Variants in BAHCC1 observed in about 807,000 individuals in gnomAD.
BAHCC1 encodes BAH domain and coiled-coil containing 1, also known as BAH and coiled-coil domain-containing protein 1.
Under a neutral mutation model 88.2 loss-of-function variants are expected in BAHCC1, and 43 were observed. The ratio of observed to expected loss-of-function variants is 0.49; its 90% CI spans 0.38 to 0.63. The LOEUF (loss-of-function observed/expected upper bound fraction) is 0.63. Among genes scored for constraint, BAHCC1 ranks in the 20% least tolerant of loss-of-function variants. The probability of loss-of-function intolerance (pLI) is 0.00; values close to 1 mark genes in which losing one functional copy is unlikely to be tolerated. For synonymous variants in BAHCC1, 1,510 were observed against 745.5 expected (o/e 2.03, Z -16.71); for missense variants, 3,023 against 1,654.8 (o/e 1.83, Z -14.34).
intron 2 of BAHCC1, chr17:81,406,951 T>A (rs1555647026): frequency 2.2e-6 from 1 of 456,292 alleles, no homozygotes; most frequent in Non-Finnish European, 4.4e-6. Context: ...GTTTTTTTCA[T>A]TCTGACCTGC....
intron 13 of BAHCC1, 123 bp from the exon 14 acceptor site, chr17:81,452,600 C>G: frequency 3.6e-6 from 2 of 548,306 alleles, no homozygotes; most frequent in African/African-American, 2.0e-5. Flanking sequence ...GCTCCCCAGG[C>G]CGAGTCTGGG....
rs1020107345 is a variant in BAHCC1 at position 81,438,240 on chromosome 17, G to A, written c.359-130G>A. ...ATTGATGGGTTGATTTCCCCCCGGC[G>A]GCTGCGTGCTGGGCTCTGCGGGACA... On this transcript the variant is annotated intron_variant, in intron 3 of 27. Transcript: ENST00000675386. The A allele has an allele frequency of 3.0e-5, 20 of 659,532 alleles. 1 individual carries two copies. Among genetic ancestry groups the A allele is most frequent in the South Asian group, 2.2e-4 (13 of 59,636 alleles). The allele number at this position is 659,532 out of a possible 1,614,324, so 40.9% of individuals were successfully genotyped here.
Position 81,461,236 on chromosome 17 carries a change from G to A in BAHCC1, c.6573G>A (p.Arg2191=), listed in dbSNP as rs2030232583. 1 of 712,192 alleles carries A rather than the reference G, an allele frequency of 1.4e-6. No homozygotes were observed. The highest frequency in any genetic ancestry group is 2.6e-6 in the Non-Finnish European group (1 of 387,012). 44.1% of individuals were successfully genotyped at this position (712,192 alleles called of 1,614,324 possible). A position where few individuals can be genotyped will look rare whatever the true frequency, so the allele number is the denominator to read the frequency against. The change falls in exon 26 of 28, where the codon AGG becomes AGA. Residue 2191 remains arginine, a synonymous_variant. Coordinates refer to ENST00000675386, the MANE Select transcript of BAHCC1 (RefSeq NM_001377448.1). The part of the protein sequence containing the change: ...HKLLRAKKAE[R]VEAEKGGRRR... Reference sequence around the variant, plus strand: ...TGCTGCGGGCTAAGAAGGCCGAGAGGGTGGAGGCCGAGAAGGGTGGGCGGC... The same window carrying A: ...TGCTGCGGGCTAAGAAGGCCGAGAGAGTGGAGGCCGAGAAGGGTGGGCGGC...
In BAHCC1 at chr17:81,465,154, C is replaced by T. The variant is rs1268519958; in HGVS notation, c.*1337C>T. On this transcript the variant is annotated 3_prime_UTR_variant, in exon 28 of 28. Coordinates refer to ENST00000675386, the MANE Select transcript of BAHCC1 (RefSeq NM_001377448.1). ...GGGAGAAGAAAATAAAACGCAGGCC[C>T]TGCCCTTGGGGAAGGCCCCTTTCTG... 1 of 152,348 alleles carries T rather than the reference C, an allele frequency of 6.6e-6. No individual in the cohort carries two copies. The highest frequency in any genetic ancestry group is 2.4e-5 in the African/African-American group (1 of 41,458). The allele number at this position is 152,348 out of a possible 1,614,324, so 9.4% of individuals were successfully genotyped here. A position where few individuals can be genotyped will look rare whatever the true frequency, so the allele number is the denominator to read the frequency against.
intron 2 of BAHCC1, among the ~76,000 whole-genome samples, chr17:81,421,037 G>A (rs2064110206): frequency 6.6e-6 from 1 of 152,262 alleles, no homozygotes; most frequent in Admixed American, 6.5e-5. Context: ...GACCGACCTT[G>A]GGAGCATGAT....
chr17:81,444,282 GGCTGA>G (rs1555653606), intron 6 of BAHCC1, 94 bp from the exon 7 acceptor site: 1 of 653,308 alleles, frequency 1.5e-6, no homozygotes, highest in African/African-American at 1.8e-5. Context: ...CCGTTGGTGG[GGCTGA>G]GCCCCAGGTC....
chr17:81,447,050 T>C lies in BAHCC1; in HGVS notation c.3178T>C (p.Tyr1060His), dbSNP rs782061639. 4 of 779,182 alleles carry C rather than the reference T, an allele frequency of 5.1e-6. No homozygotes were observed. Among genetic ancestry groups the C allele is most frequent in the South Asian group, 4.0e-5 (3 of 74,628 alleles). The allele number at this position is 779,182 out of a possible 1,614,324, so 48.3% of individuals were successfully genotyped here. A position where few individuals can be genotyped will look rare whatever the true frequency, so the allele number is the denominator to read the frequency against. The change falls in exon 11 of 28, where the codon TAC becomes CAC. Residue 1060 changes from tyrosine to histidine, a missense_variant. Coordinates refer to ENST00000675386, the MANE Select transcript of BAHCC1 (RefSeq NM_001377448.1). ...ITSEPDLPPG[Y>H]LRPMAGLGFS... The stretch of plus-strand genomic sequence containing the variant: ...CTCCTTTGCAGACCTGCCTCCCGGA[T>C]ACCTGCGCCCCATGGCTGGCCTGGG...
intron 2 of BAHCC1, among the ~76,000 whole-genome samples, chr17:81,419,852 C>T (rs1202435245): frequency 2.0e-5 from 3 of 148,420 alleles, no homozygotes; most frequent in Non-Finnish European, 3.0e-5. Flanking sequence ...GATGCTGTCT[C>T]GGCGGCTCAC....
chr17:81,438,006 C>T (rs1312382521), intron 3 of BAHCC1, among the ~76,000 whole-genome samples: 1 of 152,182 alleles, frequency 6.6e-6, no homozygotes, highest in African/African-American at 2.4e-5. Flanking sequence ...AGGGCCTTGG[C>T]GCAGAGTCTG....
chr17:81,397,814 T>C (rs1450168797), intron 1 of BAHCC1, among the ~76,000 whole-genome samples: 1 of 152,240 alleles, frequency 6.6e-6, no homozygotes, highest in Non-Finnish European at 1.5e-5. Context: ...CAAACGCCTT[T>C]GTATGTAGTT....
intron 3 of BAHCC1, among the ~76,000 whole-genome samples, chr17:81,430,038 CGCGCTCCCACCA>C (rs2064242976): frequency 6.6e-6 from 1 of 152,132 alleles, no homozygotes; most frequent in African/African-American, 2.4e-5. Context: ...ACCCGAGGCT[CGCGCTCCCACCA>C]GCGGTGGGCC....
In BAHCC1 at chr17:81,458,300, G is replaced by T; in HGVS notation, c.5177G>T (p.Gly1726Val). 6 of 750,406 alleles carry T rather than the reference G, an allele frequency of 8.0e-6. No individual in the cohort carries two copies. The highest frequency in any genetic ancestry group is 1.5e-5 in the Non-Finnish European group (6 of 404,400). 46.5% of individuals were successfully genotyped at this position (750,406 alleles called of 1,614,324 possible). A position where few individuals can be genotyped will look rare whatever the true frequency, so the allele number is the denominator to read the frequency against. Residue 1726 changes from glycine (G) to valine (V), a missense_variant, in exon 18 of 28, where the codon GGC becomes GTC. Gly to Val is a moderately radical substitution (Grantham distance 109). Coordinates refer to ENST00000675386, the MANE Select transcript of BAHCC1 (RefSeq NM_001377448.1). The stretch of plus-strand genomic sequence containing the variant: ...GCGCTGGGCAAGAAGAAAGCCAAGG[G>T]CAAGGCCAAGGGCAGCCTGCGGGCA... ...PGALGKKKAKGKAKGSLRAEP... is the reference protein window; with the variant it reads ...PGALGKKKAKVKAKGSLRAEP...
chr17:81,418,210 G>A (rs1210998632), intron 2 of BAHCC1, among the ~76,000 whole-genome samples: 13 of 152,332 alleles, frequency 8.5e-5, no homozygotes, highest in East Asian at 1.9e-4. Flanking sequence ...GGGACAGAGC[G>A]CCGCCCCGAA....
chr17:81,406,283 G>A (rs1431058958), intron 2 of BAHCC1, among the ~76,000 whole-genome samples: 2 of 152,152 alleles, frequency 1.3e-5, no homozygotes, highest in African/African-American at 4.8e-5. Flanking sequence ...CCCCCACCTC[G>A]CAGACGTGCT....
chr17:81,443,336 A>T lies in BAHCC1; in HGVS notation c.1987A>T (p.Ile663Phe), dbSNP rs782098436. 14 of 778,988 alleles carry T rather than the reference A, an allele frequency of 1.8e-5. No homozygotes were observed. The Admixed American group carries it at 2.4e-4, about 13-fold the overall frequency. 48.3% of individuals were successfully genotyped at this position (778,988 alleles called of 1,614,324 possible). A position where few individuals can be genotyped will look rare whatever the true frequency, so the allele number is the denominator to read the frequency against. ...CCTGGGTGGCCTCAAGGCCAGCTGC[A>T]TCCAGCAGGAAGCAAAGTTCCTGTC... ...VGLGGLKASC[I>F]QQEAKFLSSK... The change falls in exon 5 of 28, where the codon ATC becomes TTC. Residue 663 changes from isoleucine to phenylalanine, a missense_variant. Ile to Phe is a conservative substitution (Grantham distance 21). Transcript: ENST00000675386.
rs1555658200 is a variant in BAHCC1 at position 81,458,655 on chromosome 17, C to T, written c.5378C>T (p.Thr1793Ile). The change falls in exon 19 of 28, where the codon ACA (threonine) becomes ATA (isoleucine). Residue 1793 changes from threonine to isoleucine, a missense_variant. By Grantham distance (89) the Thr-to-Ile change is moderately conservative (BLOSUM62 -1). Coordinates refer to ENST00000675386, the MANE Select transcript of BAHCC1 (RefSeq NM_001377448.1). ...GGGGCCCTGTCCATCACGCTGGCCA[C>T]ACGCAACGCCAAGGCCATCCTGGGG... ...KNGALSITLATRNAKAILGKG... is the reference protein window; with the variant it reads ...KNGALSITLAIRNAKAILGKG... 1.4e-6 allele frequency: 1 copy of T among 720,368 alleles called. No individual in the cohort carries two copies. The highest frequency in any genetic ancestry group is 2.7e-5 in the East Asian group (1 of 37,582). 44.6% of individuals were successfully genotyped at this position (720,368 alleles called of 1,614,324 possible).
At chr17:81,440,915 G>A (rs1046383761) in intron 4 of BAHCC1, among the ~76,000 whole-genome samples, 1 of 152,230 alleles carries the variant, frequency 6.6e-6, no homozygotes, top group Non-Finnish European at 1.5e-5. Context: ...AGGTGGGTGA[G>A]CCCTTCCTCC....
chr17:81,448,247 G>A (rs1653440515), intron 11 of BAHCC1, among the ~76,000 whole-genome samples: 1 of 152,316 alleles, frequency 6.6e-6, no homozygotes, highest in Middle Eastern at 3.4e-3. Flanking sequence ...ACCCTGGCCT[G>A]GGGGGTCCAG....
rs1320008141 is a variant in BAHCC1 at position 81,434,503 on chromosome 17, C to G, written c.359-3867C>G. ...AGGGCGCTCGAGGTGTGCTTCAGCA[C>G]CCCCAGAAGTTTGCTGAGCCTGCAG... is the stretch of plus-strand genomic sequence containing the variant. On this transcript the variant is annotated intron_variant, in intron 3 of 27. Transcript: ENST00000675386. The surrounding 1 kb of genome is among the most constrained non-coding windows in gnomAD (Gnocchi z 4.9). 1.3e-5 allele frequency among the ~76,000 whole-genome samples: 2 copies of G among 152,078 alleles called. No homozygotes were observed. Among genetic ancestry groups the G allele is most frequent in the African/African-American group, 4.8e-5 (2 of 41,402 alleles).
Sources: allele counts gnomAD v4.1 joint callset (sites outside exome capture counted in the v4.1 genomes callset), GRCh38; gene constraint gnomAD v4.1.1; non-coding constraint Gnocchi (gnomAD v3.1); transcripts MANE v1.5; gene names NCBI Gene and HGNC (gene_info 2026-07-23, HGNC 2026-07-21).